Variants in RYR3 observed in about 807,000 individuals in gnomAD.
RYR3 encodes ryanodine receptor 3.
In RYR3, 207 loss-of-function variants were observed where a neutral mutation model predicts 584.3. The observed-to-expected ratio is 0.35, with a 90% CI of 0.32 to 0.40. The LOEUF (loss-of-function observed/expected upper bound fraction) is 0.40. Among genes scored for constraint, RYR3 ranks in the 10% least tolerant of loss-of-function variants. The probability of loss-of-function intolerance (pLI) is 1.00; values close to 1 mark genes in which losing one functional copy is unlikely to be tolerated. For missense variants in RYR3, 5,616 were observed against 6,089.2 expected (o/e 0.92, Z 2.59); for synonymous variants, 2,416 against 2,248.5 (o/e 1.07, Z -2.11).
At chr15:33,671,134 CT>C (rs2063813783) in intron 38 of RYR3, among the ~76,000 whole-genome samples, 1 of 152,138 alleles carries the variant, frequency 6.6e-6, no homozygotes, top group Non-Finnish European at 1.5e-5. Context: ...CTATAGATGA[CT>C]CCTACCGTTT....
intron 32 of RYR3, among the ~76,000 whole-genome samples, chr15:33,657,817 C>T (rs540561476): frequency 1.3e-5 from 2 of 152,278 alleles, no homozygotes; most frequent in South Asian, 4.1e-4. Context: ...CTTTTGTGTA[C>T]TAGAAGGATC....
In RYR3 at chr15:33,558,055, A is replaced by G. The variant is rs187751672; in HGVS notation, c.973-4782A>G. ...AGTTTTAAGCATCGTATGAAATGCA[A>G]AGAAATCCCAGTTTTTTTTCTGAGA... On this transcript the variant is annotated intron_variant, in intron 10 of 103. Coordinates refer to ENST00000634891, the MANE Select transcript of RYR3 (RefSeq NM_001036.6). Among the ~76,000 whole-genome samples the G allele has an allele frequency of 3.2e-3, 491 of 152,348 alleles. 3 individuals are homozygous for G. Among genetic ancestry groups the G allele is most frequent in the Non-Finnish European group, 4.8e-3 (326 of 68,036 alleles).
intron 1 of RYR3, among the ~76,000 whole-genome samples, chr15:33,455,990 C>CTTG (rs2047525333): frequency 6.6e-6 from 1 of 152,156 alleles, no homozygotes; most frequent in Non-Finnish European, 1.5e-5. Flanking sequence ...TTACAGAATA[C>CTTG]TAATCACAAG....
chr15:33,550,841 A>G (rs2056625958), intron 10 of RYR3, among the ~76,000 whole-genome samples: 1 of 152,196 alleles, frequency 6.6e-6, no homozygotes. Flanking sequence ...ATTATCTTGC[A>G]GTTATTAATA....
At chr15:33,552,208 C>T (rs1054370282) in intron 10 of RYR3, among the ~76,000 whole-genome samples, 3 of 152,084 alleles carry the variant, frequency 2.0e-5, no homozygotes, top group Admixed American at 6.6e-5. Context: ...CATTATATTC[C>T]ATTCTTGGCT....
chr15:33,779,879 T>C (rs892230363), intron 64 of RYR3, among the ~76,000 whole-genome samples: 1 of 151,022 alleles, frequency 6.6e-6, no homozygotes, highest in Admixed American at 6.6e-5. Context: ...GGCATGGTGG[T>C]GGGCGCATGT....
At chr15:33,765,814 A>G (rs533913607) in intron 60 of RYR3, among the ~76,000 whole-genome samples, 4 of 152,256 alleles carry the variant, frequency 2.6e-5, no homozygotes, top group African/African-American at 7.2e-5. Flanking sequence ...ACAGTTTTTT[A>G]TATATAAGAG....
At chr15:33,804,937 A>G (rs1235437476) in intron 69 of RYR3, among the ~76,000 whole-genome samples, 1 of 152,202 alleles carries the variant, frequency 6.6e-6, no homozygotes, top group Non-Finnish European at 1.5e-5. Context: ...TGCGAATGGA[A>G]AGGAAGTGGA....
intron 5 of RYR3, among the ~76,000 whole-genome samples, chr15:33,535,931 A>G (rs1422288118): frequency 6.6e-6 from 1 of 152,200 alleles, no homozygotes; most frequent in African/African-American, 2.4e-5. Context: ...CTAGGTCTTC[A>G]TGAAAACCTA....
rs554144826 is a variant in RYR3, at chr15:33,401,272, T to C, written c.52-72147T>C. 2.0e-5 allele frequency among the ~76,000 whole-genome samples: 3 copies of C among 152,362 alleles called. No homozygotes were observed. The East Asian group carries it at 5.8e-4, about 29-fold the overall frequency. The stretch of plus-strand genomic sequence containing the variant: ...ATGATAGAAGCACTGTTTACACTCA[T>C]AGAGCACTTTTAACTTCTCACAGCT... On this transcript the variant is annotated intron_variant, in intron 1 of 103. Transcript: ENST00000634891.
chr15:33,355,184 A>AAG (rs1973802743), intron 1 of RYR3, among the ~76,000 whole-genome samples: 1 of 128,188 alleles, frequency 7.8e-6, no homozygotes. Context: ...AACTCCCTCA[A>AAG]AAAAAAAAAA....
intron 38 of RYR3, among the ~76,000 whole-genome samples, chr15:33,674,858 T>G (rs1596096039): frequency 7.3e-6 from 1 of 136,180 alleles, no homozygotes. Flanking sequence ...TATACAGGAG[T>G]GGCAACAAGT....
rs183193605 is a variant in RYR3, at chr15:33,597,331, C to T, written c.1789-4088C>T. On this transcript the variant is annotated intron_variant, in intron 16 of 103. Transcript: ENST00000634891. ...AAGCTAGCTTATTTATTAAAGATTT[C>T]ACTGGCCAGGCGCAGTAGCTCACGC... Among the ~76,000 whole-genome samples the T allele has an allele frequency of 2.6e-5, 4 of 152,182 alleles. No individual in the cohort carries two copies. In the East Asian group the frequency reaches 5.8e-4, roughly 22 times the overall value.
At chr15:33,848,157 C>G in intron 93 of RYR3, 134 bp from the exon 94 acceptor site, 1 of 1,094,852 alleles carries the variant, frequency 9.1e-7, no homozygotes. Flanking sequence ...GATCCCACAA[C>G]TAGGCACTCT....
At chr15:33,801,696 A>G (rs984862818) in intron 68 of RYR3, among the ~76,000 whole-genome samples, 173 bp from the exon 69 acceptor site, 1 of 152,142 alleles carries the variant, frequency 6.6e-6, no homozygotes, top group African/African-American at 2.4e-5. Flanking sequence ...GGGTATAATG[A>G]GACATGCCTG....
chr15:33,713,697 C>T (rs926206281), intron 43 of RYR3, among the ~76,000 whole-genome samples: 29 of 152,152 alleles, frequency 1.9e-4, no homozygotes, highest in Non-Finnish European at 3.8e-4. Context: ...TTATAAACAA[C>T]GTAAATTTAT....
intron 1 of RYR3, among the ~76,000 whole-genome samples, chr15:33,443,391 G>C (rs2046382547): frequency 6.6e-6 from 1 of 152,132 alleles, no homozygotes. Flanking sequence ...TAGGCTACCA[G>C]CAACATTAAG....
intron 85 of RYR3, 47 bp downstream of exon 85, chr15:33,827,334 A>G: frequency 6.6e-7 from 1 of 1,511,338 alleles, no homozygotes; most frequent in Non-Finnish European, 9.0e-7. Context: ...CTTTGCTTCC[A>G]GAAGATAAAC....
chr15:33,843,382 C>T (rs1301175160), intron 91 of RYR3, 106 bp from the exon 92 acceptor site: 11 of 719,610 alleles, frequency 1.5e-5, no homozygotes, highest in Admixed American at 4.6e-5. Context: ...AAGAGTAGGA[C>T]GAGTCAAGTG....
Sources: gnomAD v4.1 joint callset for allele counts (sites outside exome capture counted in the v4.1 genomes callset) on GRCh38, gnomAD v4.1.1 for gene constraint, MANE v1.5 for transcripts, NCBI Gene and HGNC (gene_info 2026-07-23, HGNC 2026-07-21) for gene names.